The following CSMD3 variants were observed in gnomAD, a reference collection of about 807,000 sequenced individuals.
CSMD3 encodes CUB and sushi domain-containing protein 3.
A neutral mutation model predicts 435.2 loss-of-function variants in CSMD3; 177 were observed. That is an observed-to-expected ratio of 0.41 (90% CI 0.36 to 0.46). The LOEUF is 0.46. Ranked by LOEUF, CSMD3 falls within the 20% of genes least tolerant of loss-of-function variation. CSMD3 has a pLI of 0.34. For missense variants in CSMD3, 4,265 were observed against 4,504.6 expected, an observed-to-expected ratio of 0.95 and a Z score of 1.52; for synonymous variants, 1,656 against 1,520.5, an observed-to-expected ratio of 1.09 and a Z score of -2.07.
chr8:113,094,115 T>G (rs765691418), intron 5 of CSMD3, among the ~76,000 whole-genome samples: 3 of 152,176 alleles, frequency 2.0e-5, no homozygotes, highest in Non-Finnish European at 4.4e-5. Flanking sequence ...TTAAAATGTC[T>G]TTCTGACCTT....
chr8:113,185,360 G>T (rs531587459), intron 3 of CSMD3, among the ~76,000 whole-genome samples: 2 of 152,006 alleles, frequency 1.3e-5, no homozygotes, highest in African/African-American at 4.8e-5. Context: ...AAGCATAATC[G>T]TATAATCATT....
chr8:112,351,189 A>C lies in CSMD3; in HGVS notation c.6311T>G (p.Ile2104Ser). The C allele has an allele frequency of 6.2e-7, 1 of 1,602,316 alleles. No homozygotes were observed. The highest frequency in any genetic ancestry group is 1.7e-5 in the Admixed American group (1 of 59,974). Residue 2104 changes from isoleucine (I) to serine (S), a missense_variant, in exon 40 of 71, where the codon ATC becomes AGC. By Grantham distance (142) the Ile-to-Ser change is moderately radical. Coordinates refer to ENST00000297405, the MANE Select transcript of CSMD3 (RefSeq NM_198123.2). ...PGPVRRWNYP[I>S]PICLAQCGGA... is the part of the protein sequence containing the mutation. Reference sequence around the variant, plus strand: ...TTTTAACTTACCTAAACAAATTGGGATTGGATAATTCCATCTTCTTACAGG... The same window carrying C: ...TTTTAACTTACCTAAACAAATTGGGCTTGGATAATTCCATCTTCTTACAGG...
intron 66 of CSMD3, among the ~76,000 whole-genome samples, chr8:112,238,178 C>T (rs1400852450): frequency 1.3e-5 from 2 of 151,638 alleles, no homozygotes; most frequent in Non-Finnish European, 2.9e-5. Context: ...TCCTATACCT[C>T]ACAGCACAGC....
At chr8:112,846,214 C>T (rs1434763398) in intron 11 of CSMD3, among the ~76,000 whole-genome samples, 2 of 150,196 alleles carry the variant, frequency 1.3e-5, no homozygotes, top group Non-Finnish European at 3.0e-5. Flanking sequence ...TAAAATTATT[C>T]TTAAAAAAGA....
chr8:113,381,823 C>A (rs2094417031), intron 1 of CSMD3, among the ~76,000 whole-genome samples: 1 of 152,102 alleles, frequency 6.6e-6, no homozygotes, highest in South Asian at 2.1e-4. Flanking sequence ...TCCCACCATA[C>A]AGAGATAACC....
chr8:112,467,823 T>C (rs1818113734), intron 32 of CSMD3, among the ~76,000 whole-genome samples: 1 of 152,120 alleles, frequency 6.6e-6, no homozygotes. Context: ...ACCTCAAGGC[T>C]TGCTGGGAGT....
intron 17 of CSMD3, among the ~76,000 whole-genome samples, chr8:112,663,380 G>A (rs952008083): frequency 6.0e-5 from 9 of 150,612 alleles, no homozygotes; most frequent in East Asian, 5.9e-4. Context: ...GCAAACTATC[G>A]CGAGGACAAA....
chr8:112,917,860 A>G (rs80070129), intron 10 of CSMD3, among the ~76,000 whole-genome samples: 5,129 of 152,062 alleles, frequency 0.034, 148 homozygotes, highest in Middle Eastern at 0.051. Context: ...GATTCCCCAG[A>G]TGTGTCAATT....
At chr8:112,293,050 G>T (rs1819928651) in intron 54 of CSMD3, among the ~76,000 whole-genome samples, 2 of 151,956 alleles carry the variant, frequency 1.3e-5, no homozygotes, top group African/African-American at 4.8e-5. Context: ...GAAATGCAAA[G>T]AAATCTGGGG....
intron 5 of CSMD3, among the ~76,000 whole-genome samples, chr8:113,049,231 T>A (rs2087977155): frequency 6.6e-6 from 1 of 151,874 alleles, no homozygotes; most frequent in African/African-American, 2.4e-5. Flanking sequence ...AGAGCGAAAA[T>A]CTGTCTCAAA....
chr8:112,224,522 T>G lies in CSMD3; in HGVS notation c.*249A>C. On this transcript the variant is annotated 3_prime_UTR_variant, in exon 71 of 71. Coordinates refer to ENST00000297405, the MANE Select transcript of CSMD3 (RefSeq NM_198123.2). ...AGTTTATATTTTAGAATAATCTCCT[T>G]TTTAAAAAAAGCAAATAAACTGTGA... 1.9e-6 allele frequency: 1 copy of G among 527,858 alleles called. No individual in the cohort carries two copies. Among genetic ancestry groups the G allele is most frequent in the South Asian group, 2.1e-5 (1 of 47,472 alleles). The allele number at this position is 527,858 out of a possible 1,614,324, so 32.7% of individuals were successfully genotyped here.
At chr8:113,077,387 A>G (rs375241043) in intron 5 of CSMD3, among the ~76,000 whole-genome samples, 9 of 152,270 alleles carry the variant, frequency 5.9e-5, no homozygotes, top group African/African-American at 1.9e-4. Context: ...TTATAAAAAA[A>G]CCATTATGCT....
intron 8 of CSMD3, among the ~76,000 whole-genome samples, chr8:112,954,142 G>T (rs1012512725): frequency 4.6e-5 from 7 of 151,258 alleles, no homozygotes; most frequent in Admixed American, 6.6e-5. Flanking sequence ...TGTACTTCAG[G>T]CCATTTTTAA....
At position 113,173,878 on chromosome 8, in the gene CSMD3, G is replaced by A. The variant is rs759122250; in HGVS notation, c.553C>T (p.Pro185Ser). The A allele has an allele frequency of 6.2e-7, 1 of 1,613,794 alleles. No individual in the cohort carries two copies. The highest frequency in any genetic ancestry group is 1.7e-5 in the Admixed American group (1 of 59,984). Residue 185 changes from proline to serine, a missense_variant, in exon 4 of 71, where the codon CCC (proline) becomes TCC (serine). Transcript: ENST00000297405. ...CTTGTGCCATATAATACACCTTTGG[G>A]TGGAACACCAGGATTTCCACAAGAG... Reference protein sequence around the residue: ...SSSCGNPGVPPKGVLYGTRFD... With the variant: ...SSSCGNPGVPSKGVLYGTRFD...
intron 10 of CSMD3, among the ~76,000 whole-genome samples, chr8:112,906,798 A>G (rs111275138): frequency 2.2e-4 from 34 of 151,620 alleles, no homozygotes; most frequent in African/African-American, 7.7e-4. Context: ...TCTTTCACTG[A>G]TCAACCTTTT....
chr8:112,845,235 G>T (rs1380453838), intron 11 of CSMD3, among the ~76,000 whole-genome samples: 1 of 152,028 alleles, frequency 6.6e-6, no homozygotes, highest in Non-Finnish European at 1.5e-5. Context: ...TATTAAGGAT[G>T]CATGGACTCA....
intron 22 of CSMD3, among the ~76,000 whole-genome samples, chr8:112,601,666 C>T (rs1451624155): frequency 6.6e-6 from 1 of 151,930 alleles, no homozygotes; most frequent in African/African-American, 2.4e-5. Flanking sequence ...TTGTGATTGG[C>T]TGAGAAAAGA....
intron 6 of CSMD3, among the ~76,000 whole-genome samples, chr8:112,989,073 G>T (rs1006313525): frequency 3.9e-5 from 6 of 151,978 alleles, no homozygotes; most frequent in Non-Finnish European, 8.8e-5. Context: ...CCAGAGGCTG[G>T]ATGATCCAGA....
At chr8:112,685,806 A>G (rs988689370) in intron 14 of CSMD3, 74 bp from the exon 15 acceptor site, 12 of 950,580 alleles carry the variant, frequency 1.3e-5, no homozygotes, top group Non-Finnish European at 2.0e-5. Flanking sequence ...GTCATATTCT[A>G]CAATTATGAT....
Sources: allele counts gnomAD v4.1 joint callset (sites outside exome capture counted in the v4.1 genomes callset), GRCh38; gene constraint gnomAD v4.1.1; transcripts MANE v1.5; gene names NCBI Gene and HGNC (gene_info 2026-07-23, HGNC 2026-07-21).